Variants in ALX4 observed in about 807,000 individuals in gnomAD.
ALX4 encodes homeobox protein aristaless-like 4.
A neutral mutation model predicts 40.6 loss-of-function variants in ALX4; 22 were observed. The ratio of observed to expected loss-of-function variants is 0.54; its 90% CI spans 0.39 to 0.77. The LOEUF (loss-of-function observed/expected upper bound fraction) is 0.77. Among genes scored for constraint, ALX4 ranks in the 30% least tolerant of loss-of-function variants. The pLI is 0.00. For synonymous variants in ALX4, 266 were observed against 240.5 expected (o/e 1.11, Z -0.98); for missense variants, 556 against 564.8 (o/e 0.98, Z 0.16).
At chr11:44,267,685 A>G in intron 2 of ALX4, 63 bp from the exon 3 acceptor site, 3 of 1,610,104 alleles carry the variant, frequency 1.9e-6, no homozygotes, top group South Asian at 2.2e-5. Flanking sequence ...CCTCACTTTC[A>G]GGCAGTGCAA....
intron 1 of ALX4, among the ~76,000 whole-genome samples, chr11:44,280,556 T>G (rs1406667986): frequency 6.6e-6 from 1 of 152,160 alleles, no homozygotes; most frequent in Admixed American, 6.5e-5. Context: ...CTGATGCCCC[T>G]CCCATGATGA....
intron 2 of ALX4, among the ~76,000 whole-genome samples, chr11:44,271,204 C>T (rs1174289629): frequency 2.0e-5 from 3 of 152,180 alleles, no homozygotes; most frequent in East Asian, 1.9e-4. Context: ...AGAGGTCTGA[C>T]GCACATGAAG....
At position 44,275,554 on chromosome 11, in the gene ALX4, G is replaced by T; in HGVS notation, c.571C>A (p.Gln191Lys). Residue 191 changes from glutamine (Q) to lysine (K), a missense_variant, in exon 2 of 4, where the codon CAG becomes AAG. Coordinates refer to ENST00000652299, the MANE Select transcript of ALX4 (RefSeq NM_021926.4). The part of the protein sequence containing the change: ...SVKEAGVKGP[Q>K]DRASSDLPSP... ...GGGAGGTCTGAGCTGGCCCGGTCCT[G>T]GGGCCCCTTCACCCCAGCCTCCTTG... 1 of 1,614,122 alleles carries T rather than the reference G, an allele frequency of 6.2e-7. No homozygotes were observed.
chr11:44,284,616 C>T (rs1388572233), intron 1 of ALX4, among the ~76,000 whole-genome samples: 5 of 152,166 alleles, frequency 3.3e-5, no homozygotes, highest in Non-Finnish European at 1.5e-5. Context: ...GACTGGTCCC[C>T]ACCAGACTCA....
At chr11:44,304,563 T>C (rs1956455325) in intron 1 of ALX4, among the ~76,000 whole-genome samples, 1 of 152,106 alleles carries the variant, frequency 6.6e-6, no homozygotes, top group African/African-American at 2.4e-5. Flanking sequence ...CCTCCTCTCC[T>C]GGCCTCAGGC....
intron 1 of ALX4, among the ~76,000 whole-genome samples, chr11:44,297,253 T>C (rs1956408140): frequency 2.0e-5 from 3 of 152,230 alleles, no homozygotes; most frequent in African/African-American, 7.2e-5. Flanking sequence ...CATTTTATGC[T>C]ATGTATATTT....
chr11:44,278,785 C>A (rs1182344173), intron 1 of ALX4, among the ~76,000 whole-genome samples: 5 of 152,202 alleles, frequency 3.3e-5, no homozygotes, highest in African/African-American at 1.2e-4. Flanking sequence ...AGGGTCCCTC[C>A]TCCCTTGCTC....
At chr11:44,287,135 CG>C (rs1011623541) in intron 1 of ALX4, among the ~76,000 whole-genome samples, 3 of 152,236 alleles carry the variant, frequency 2.0e-5, no homozygotes, top group Non-Finnish European at 4.4e-5. Context: ...TCTGCCACCC[CG>C]TCCTCCACTG....
chr11:44,264,818 G>A lies in ALX4; in HGVS notation c.*36C>T, dbSNP rs750817902. 2 of 1,605,292 alleles carry A rather than the reference G, an allele frequency of 1.2e-6. No homozygotes were observed. Among genetic ancestry groups the A allele is most frequent in the Non-Finnish European group, 1.7e-6 (2 of 1,174,934 alleles). ...CCTGGAAAACATGGGCGTGGCCCAT[G>A]GTGTCCCGAGGTGGGGACGGGGCAG... is the stretch of plus-strand genomic sequence containing the variant. On this transcript the variant is annotated 3_prime_UTR_variant, in exon 4 of 4. Transcript: ENST00000652299.
intron 1 of ALX4, among the ~76,000 whole-genome samples, chr11:44,307,329 G>A (rs1030369202): frequency 5.3e-5 from 8 of 152,244 alleles, no homozygotes; most frequent in African/African-American, 1.9e-4. Context: ...ACTGCCACGG[G>A]TTAGGGGCAG....
intron 3 of ALX4, among the ~76,000 whole-genome samples, chr11:44,266,036 C>T: frequency 6.6e-6 from 1 of 152,176 alleles, no homozygotes; most frequent in Non-Finnish European, 1.5e-5. Context: ...ATGTGGGCTT[C>T]TGCTGGCCTG....
chr11:44,289,138 G>T (rs553586121), intron 1 of ALX4, among the ~76,000 whole-genome samples: 91 of 152,330 alleles, frequency 6.0e-4, no homozygotes, highest in African/African-American at 2.1e-3. Context: ...CCACAGAAAG[G>T]AGCGGTCAAT....
intron 1 of ALX4, among the ~76,000 whole-genome samples, chr11:44,286,006 C>A (rs1292122828): frequency 6.6e-6 from 1 of 152,232 alleles, no homozygotes; most frequent in African/African-American, 2.4e-5. Flanking sequence ...CTCCTCTGGG[C>A]TCCTTCTGCC....
chr11:44,285,302 C>T (rs926897351), intron 1 of ALX4, among the ~76,000 whole-genome samples: 5 of 152,200 alleles, frequency 3.3e-5, no homozygotes, highest in East Asian at 3.9e-4. Flanking sequence ...TATTCCGTAC[C>T]CCTTTCCATG....
chr11:44,274,933 G>T (rs756420454), intron 2 of ALX4, among the ~76,000 whole-genome samples: 121 of 152,272 alleles, frequency 7.9e-4, no homozygotes, highest in Admixed American at 1.9e-3. Context: ...TCTGCCCACT[G>T]GGATGCTGTG....
chr11:44,275,881 C>T (rs1372666387), intron 1 of ALX4, among the ~76,000 whole-genome samples: 1 of 152,228 alleles, frequency 6.6e-6, no homozygotes, highest in African/African-American at 2.4e-5. Flanking sequence ...TCTTCACCAT[C>T]ATCTTAGACT....
rs149897209 is a variant in ALX4 at position 44,265,173 on chromosome 11, G to A, written c.917C>T (p.Pro306Leu). ...AGCCCCGTTGTTGCCGAGCCAGGAC[G>A]GGTTCTGAATCTGGGAGAGGAAGGG... Reference protein sequence around the residue: ...RAENYAQIQNPSWLGNNGAAS... With the variant: ...RAENYAQIQNLSWLGNNGAAS... Residue 306 changes from proline (P) to leucine (L), a missense_variant, in exon 4 of 4, where the codon CCG (proline) becomes CTG (leucine). Physicochemically the swap from Pro to Leu is moderately conservative, Grantham distance 98. Transcript: ENST00000652299. 815 of 1,603,422 alleles carry A rather than the reference G, an allele frequency of 5.1e-4. 1 individual carries two copies. The highest frequency in any genetic ancestry group is 6.1e-4 in the Non-Finnish European group (716 of 1,173,770).
At chr11:44,290,107 C>T (rs1956361008) in intron 1 of ALX4, among the ~76,000 whole-genome samples, 1 of 152,202 alleles carries the variant, frequency 6.6e-6, no homozygotes, top group Non-Finnish European at 1.5e-5. Flanking sequence ...GCCCATTGTC[C>T]CTCTCAAGCC....
chr11:44,307,032 A>C (rs751098785), intron 1 of ALX4, among the ~76,000 whole-genome samples: 1 of 152,150 alleles, frequency 6.6e-6, no homozygotes, highest in Non-Finnish European at 1.5e-5. Flanking sequence ...TCCTGCCGGT[A>C]GTTACAGGCT....
Sources: allele counts gnomAD v4.1 joint callset (sites outside exome capture counted in the v4.1 genomes callset), GRCh38; gene constraint gnomAD v4.1.1; transcripts MANE v1.5; gene names NCBI Gene and HGNC (gene_info 2026-07-23, HGNC 2026-07-21).